Variants in NRSN1 observed in about 807,000 individuals in gnomAD.
The protein encoded by NRSN1 is neurensin-1.
A neutral mutation model predicts 17.3 loss-of-function variants in NRSN1; 14 were observed. That is an observed-to-expected ratio of 0.81 (90% CI 0.54 to 1.27). The LOEUF is 1.27. NRSN1 is among the 50% of genes most tolerant of loss of function. The pLI, the probability that NRSN1 is intolerant of heterozygous loss-of-function variation, is 0.00. For missense variants in NRSN1, 209 were observed against 235.9 expected, an observed-to-expected ratio of 0.89 and a Z score of 0.75; for synonymous variants, 79 against 94.2, an observed-to-expected ratio of 0.84 and a Z score of 0.93.
rs1760085135 is a variant in NRSN1 at position 24,134,373 on chromosome 6, G to A, written c.46G>A (p.Ala16Thr). 1 of 1,614,162 alleles carries A rather than the reference G, an allele frequency of 6.2e-7. No homozygotes were observed. The highest frequency in any genetic ancestry group is 8.5e-7 in the Non-Finnish European group (1 of 1,180,024). The change falls in exon 3 of 4, where the codon GCA becomes ACA. Residue 16 changes from alanine to threonine, a missense_variant. Coordinates refer to ENST00000378491, the MANE Select transcript of NRSN1 (RefSeq NM_080723.5). Reference sequence around the variant, plus strand: ...CTGTGGGTCCAGGCAGGCACAGGCTGCAGCTGAGGGTGGTTACCAGCGCTA... The same window carrying A: ...CTGTGGGTCCAGGCAGGCACAGGCTACAGCTGAGGGTGGTTACCAGCGCTA... Reference protein sequence around the residue: ...NVCGSRQAQAAAEGGYQRYGV... With the variant: ...NVCGSRQAQATAEGGYQRYGV...
At chr6:24,135,252 A>G (rs1356761561) in intron 3 of NRSN1, among the ~76,000 whole-genome samples, 1 of 152,220 alleles carries the variant, frequency 6.6e-6, no homozygotes, top group East Asian at 1.9e-4. Context: ...GGAGACTGGT[A>G]TTTGGATATG....
chr6:24,145,107 G>GAT lies in NRSN1; in HGVS notation c.190-431_190-430dup, dbSNP rs1184649585. Among the ~76,000 whole-genome samples, 5 of 135,950 alleles carry GAT rather than the reference G, an allele frequency of 3.7e-5. No individual in the cohort carries two copies. The highest frequency in any genetic ancestry group is 2.1e-4 in the East Asian group (1 of 4,790). 89.2% of individuals were successfully genotyped at this position (135,950 alleles called of 152,430 possible). A position where few individuals can be genotyped will look rare whatever the true frequency, so the allele number is the denominator to read the frequency against. ...ATTATATATTTTATATATATCTTTA[G>GAT]ATATATATATAATATACATATCTTT... On this transcript the variant is annotated intron_variant, in intron 3 of 3. Coordinates refer to ENST00000378491, the MANE Select transcript of NRSN1 (RefSeq NM_080723.5). This position sits in a 1 kb window ranked among gnomAD's most constrained non-coding sequence, Gnocchi z 4.4.
intron 3 of NRSN1, among the ~76,000 whole-genome samples, chr6:24,138,084 C>A (rs1467694183): frequency 6.6e-6 from 1 of 152,090 alleles, no homozygotes; most frequent in Non-Finnish European, 1.5e-5. Flanking sequence ...ATAGAAATTT[C>A]TCCGTAACAT....
At chr6:24,133,484 G>A (rs909440946) in intron 2 of NRSN1, among the ~76,000 whole-genome samples, 1 of 152,178 alleles carries the variant, frequency 6.6e-6, no homozygotes, top group Non-Finnish European at 1.5e-5. Context: ...AAACTAGTAA[G>A]AGTAATGCGG....
chr6:24,141,018 C>T (rs1323517527), intron 3 of NRSN1: 10 of 1,472,958 alleles, frequency 6.8e-6, no homozygotes, highest in East Asian at 2.7e-5. Flanking sequence ...GGGAGTTTGT[C>T]ACCACCTGGA....
chr6:24,135,736 G>T (rs1760109633), intron 3 of NRSN1, among the ~76,000 whole-genome samples: 2 of 152,146 alleles, frequency 1.3e-5, no homozygotes, highest in African/African-American at 4.8e-5. Context: ...CATAAATTGG[G>T]AGTTATTGAC....
intron 3 of NRSN1, among the ~76,000 whole-genome samples, chr6:24,139,071 CCT>C (rs1308491061): frequency 6.6e-6 from 1 of 152,056 alleles, no homozygotes; most frequent in African/African-American, 2.4e-5. Flanking sequence ...TGAATTGATT[CCT>C]CTTAGTTGAA....
rs1760320826 is a variant in NRSN1, at chr6:24,147,171, A to C, written c.*1225A>C. ...AAAAAAACAAAAGTAAGCCATCCTC[A>C]AATAAGGAACCCCTTGGTAGATATT... On this transcript the variant is annotated 3_prime_UTR_variant, in exon 4 of 4. Coordinates refer to ENST00000378491, the MANE Select transcript of NRSN1 (RefSeq NM_080723.5). 1 of 152,198 alleles carries C rather than the reference A, an allele frequency of 6.6e-6. No individual in the cohort carries two copies. Among genetic ancestry groups the C allele is most frequent in the Non-Finnish European group, 1.5e-5 (1 of 68,040 alleles). The allele number at this position is 152,198 out of a possible 1,614,324, so 9.4% of individuals were successfully genotyped here.
chr6:24,138,608 G>T (rs1366523722), intron 3 of NRSN1, among the ~76,000 whole-genome samples: 4 of 152,140 alleles, frequency 2.6e-5, no homozygotes, highest in Non-Finnish European at 5.9e-5. Flanking sequence ...GCGATGTGCA[G>T]GTGCAAGGTG....
intron 2 of NRSN1, chr6:24,129,763 G>C (rs1010011939): frequency 1.3e-5 from 2 of 152,176 alleles, no homozygotes; most frequent in East Asian, 3.8e-4. Flanking sequence ...AATTGAGACA[G>C]TTGCTATGGA....
intron 2 of NRSN1, among the ~76,000 whole-genome samples, chr6:24,133,295 A>G (rs1172676763): frequency 6.6e-6 from 1 of 152,230 alleles, no homozygotes; most frequent in East Asian, 1.9e-4. Context: ...TGTATCCACA[A>G]ACAATGGGTA....
chr6:24,142,340 T>C (rs1338457595), intron 3 of NRSN1, among the ~76,000 whole-genome samples: 1 of 151,990 alleles, frequency 6.6e-6, no homozygotes, highest in Admixed American at 6.6e-5. Context: ...ATATACAAAA[T>C]AGTAATGGCG....
rs1431419526 is a variant in NRSN1, at chr6:24,134,529, C to G, written c.189+13C>G. 6.2e-7 allele frequency: 1 copy of G among 1,610,298 alleles called. No individual in the cohort carries two copies. Among genetic ancestry groups the G allele is most frequent in the East Asian group, 2.2e-5 (1 of 44,856 alleles). ...AGTATTCTGGAAGGTAAGGAAGGAG[C>G]ATGTGTTTAACTTAGGGAATGGAAA... On this transcript the variant is annotated intron_variant, in intron 3 of 3. Transcript: ENST00000378491.
rs367683449 is a variant in NRSN1, at chr6:24,145,987, G to T, written c.*41G>T. On this transcript the variant is annotated 3_prime_UTR_variant, in exon 4 of 4. Transcript: ENST00000378491. The surrounding 1 kb of genome is among the most constrained non-coding windows in gnomAD (Gnocchi z 4.4). ...AGTTCTTCTTGTCTGATTTATGCCC[G>T]TGGTTAAAAAGAGCAGGCCAGTTTT... 4 of 1,569,448 alleles carry T rather than the reference G, an allele frequency of 2.5e-6. No homozygotes were observed. The East Asian group carries it at 6.7e-5, about 26-fold the overall frequency.
rs550779617 is a variant in NRSN1 at position 24,146,014 on chromosome 6, G to A, written c.*68G>A. ...GGTTAAAAAGAGCAGGCCAGTTTTC[G>A]AGATAAAGAAGATTTGGCGTTGACT... On this transcript the variant is annotated 3_prime_UTR_variant, in exon 4 of 4. Transcript: ENST00000378491. The A allele has an allele frequency of 4.7e-6, 7 of 1,502,540 alleles. No individual in the cohort carries two copies. Among genetic ancestry groups the A allele is most frequent in the South Asian group, 2.4e-5 (2 of 81,912 alleles). The allele number at this position is 1,502,540 out of a possible 1,614,324, so 93.1% of individuals were successfully genotyped here. A position where few individuals can be genotyped will look rare whatever the true frequency, so the allele number is the denominator to read the frequency against.
intron 3 of NRSN1, among the ~76,000 whole-genome samples, chr6:24,134,770 G>A (rs1760091976): frequency 6.6e-6 from 1 of 152,114 alleles, no homozygotes; most frequent in Non-Finnish European, 1.5e-5. Flanking sequence ...TATTATTATT[G>A]CTACCATTAA....
At chr6:24,141,733 C>G (rs1399649482) in intron 3 of NRSN1, among the ~76,000 whole-genome samples, 1 of 152,196 alleles carries the variant, frequency 6.6e-6, no homozygotes, top group African/African-American at 2.4e-5. Context: ...AAGCACTGCT[C>G]AGCTGAGGAG....
intron 3 of NRSN1, among the ~76,000 whole-genome samples, chr6:24,137,967 T>C (rs62400321): frequency 0.088 from 13,348 of 152,088 alleles, 791 homozygotes; most frequent in Non-Finnish European, 0.13. Flanking sequence ...TGCAAAGAGT[T>C]CCCTGTGGCT....
At chr6:24,140,342 G>A (rs1181769313) in intron 3 of NRSN1, among the ~76,000 whole-genome samples, 2 of 152,190 alleles carry the variant, frequency 1.3e-5, no homozygotes, top group East Asian at 3.9e-4. Flanking sequence ...TTAGGTGGAA[G>A]AGCTGATGTG....
Sources: allele counts gnomAD v4.1 joint callset (sites outside exome capture counted in the v4.1 genomes callset), GRCh38; gene constraint gnomAD v4.1.1; non-coding constraint Gnocchi (gnomAD v3.1); transcripts MANE v1.5; gene names NCBI Gene and HGNC (gene_info 2026-07-23, HGNC 2026-07-21).